The following PCLO variants were observed in gnomAD, a reference collection of about 807,000 sequenced individuals.
PCLO encodes the protein protein piccolo.
PCLO carries 82 observed loss-of-function variants against 427.5 expected under a neutral mutation model. The ratio of observed to expected loss-of-function variants is 0.19; its 90% confidence interval spans 0.16 to 0.23. PCLO has a LOEUF of 0.23. Among genes scored for constraint, PCLO ranks in the 10% least tolerant of loss-of-function variants. The pLI, the probability that PCLO is intolerant of heterozygous loss-of-function variation, is 1.00. For missense variants in PCLO, 6,239 were observed against 6,115.9 expected, an observed-to-expected ratio of 1.02 and a Z score of -0.67; for synonymous variants, 2,357 against 2,155.4, an observed-to-expected ratio of 1.09 and a Z score of -2.59.
At chr7:83,018,341 AAT>A (rs1445730636) in intron 3 of PCLO, among the ~76,000 whole-genome samples, 3 of 152,002 alleles carry the variant, frequency 2.0e-5, no homozygotes, top group Non-Finnish European at 4.4e-5. Flanking sequence ...GCATAAAATA[AAT>A]ATGTTGTATT....
chr7:82,965,689 C>A (rs1795749827), intron 4 of PCLO, 82 bp downstream of exon 4: 2 of 852,180 alleles, frequency 2.3e-6, no homozygotes, highest in African/African-American at 3.4e-5. Context: ...TATATAATTA[C>A]CATTGAGCAA....
intron 3 of PCLO, among the ~76,000 whole-genome samples, chr7:82,990,540 C>T (rs1196187607): frequency 6.6e-6 from 1 of 152,064 alleles, no homozygotes; most frequent in Non-Finnish European, 1.5e-5. Flanking sequence ...CAAAATAGAA[C>T]TTGAGTTTGG....
At chr7:82,873,077 T>C (rs991157689) in intron 10 of PCLO, among the ~76,000 whole-genome samples, 2 of 151,980 alleles carry the variant, frequency 1.3e-5, no homozygotes, top group African/African-American at 2.4e-5. Context: ...TACTAATTTA[T>C]AGAGGCCTAT....
intron 7 of PCLO, 95 bp downstream of exon 7, chr7:82,914,591 A>G (rs2116258347): frequency 8.1e-7 from 1 of 1,234,748 alleles, no homozygotes; most frequent in Non-Finnish European, 1.2e-6. Context: ...ACACCAAGAA[A>G]AGTAGGATAC....
chr7:83,028,755 C>T (rs1432975808), intron 3 of PCLO, among the ~76,000 whole-genome samples: 6 of 150,752 alleles, frequency 4.0e-5, no homozygotes, highest in Admixed American at 3.3e-4. Context: ...GGTACCAAAA[C>T]AGAGATATAG....
At chr7:82,937,927 T>C (rs566954770) in intron 6 of PCLO, among the ~76,000 whole-genome samples, 1 of 152,038 alleles carries the variant, frequency 6.6e-6, no homozygotes, top group African/African-American at 2.4e-5. Context: ...ATCTCCACAT[T>C]AGATTCCAAA....
At chr7:82,949,340 T>G in intron 6 of PCLO, 136 bp downstream of exon 6, 1 of 682,628 alleles carries the variant, frequency 1.5e-6, no homozygotes, top group East Asian at 2.5e-5. Flanking sequence ...TAGTGTAAAT[T>G]TCTAAGGCAA....
chr7:83,007,737 T>C (rs1583900729), intron 3 of PCLO, among the ~76,000 whole-genome samples: 1 of 151,606 alleles, frequency 6.6e-6, no homozygotes, highest in African/African-American at 2.4e-5. Context: ...TCACTTATGG[T>C]TATGAAATAA....
At chr7:83,114,018 G>A (rs1791070090) in intron 3 of PCLO, among the ~76,000 whole-genome samples, 1 of 152,084 alleles carries the variant, frequency 6.6e-6, no homozygotes, top group South Asian at 2.1e-4. Context: ...GACTTCTTAT[G>A]AGAGCTTAAA....
chr7:83,090,404 G>C (rs1790349375), intron 3 of PCLO, among the ~76,000 whole-genome samples: 1 of 152,120 alleles, frequency 6.6e-6, no homozygotes, highest in South Asian at 2.1e-4. Flanking sequence ...TCAAATAATT[G>C]ATCAATTAGG....
Position 82,949,640 on chromosome 7 carries a change from C to A in PCLO, c.10948G>T (p.Asp3650Tyr), listed in dbSNP as rs1244180060. 24 of 1,613,716 alleles carry A rather than the reference C, an allele frequency of 1.5e-5. No individual in the cohort carries two copies. Among genetic ancestry groups the A allele is most frequent in the Non-Finnish European group, 1.8e-5 (21 of 1,179,854 alleles). Residue 3650 changes from aspartate (D) to tyrosine (Y), a missense_variant, in exon 6 of 25, where the codon GAT (aspartate) becomes TAT (tyrosine). Asp to Tyr is a radical substitution (Grantham distance 160). Transcript: ENST00000333891. ...FVPYEKPLPD[D>Y]ISPQKVLHPD... ...TGCAGTACTTTCTGTGGACTTATATCATCAGGGAGGGGTTTTTCATAAGGT... is the reference window on the plus strand; with the variant it reads ...TGCAGTACTTTCTGTGGACTTATATAATCAGGGAGGGGTTTTTCATAAGGT...
chr7:82,902,311 T>C (rs1414435294), intron 9 of PCLO, among the ~76,000 whole-genome samples: 3 of 151,302 alleles, frequency 2.0e-5, no homozygotes, highest in Non-Finnish European at 4.4e-5. Flanking sequence ...TCATTCTCAG[T>C]AAACTATCGC....
intron 18 of PCLO, among the ~76,000 whole-genome samples, chr7:82,825,852 G>A (rs1171516987): frequency 2.0e-5 from 3 of 147,066 alleles, no homozygotes; most frequent in African/African-American, 7.4e-5. Flanking sequence ...ATGTAAATGT[G>A]TATATATATA....
At chr7:83,144,191 C>T (rs1359890618) in intron 2 of PCLO, among the ~76,000 whole-genome samples, 2 of 152,030 alleles carry the variant, frequency 1.3e-5, no homozygotes, top group Non-Finnish European at 2.9e-5. Flanking sequence ...GGAGGCTAAG[C>T]GGGGCAGATC....
chr7:83,023,148 T>C (rs1272483514), intron 3 of PCLO, among the ~76,000 whole-genome samples: 1 of 152,178 alleles, frequency 6.6e-6, no homozygotes, highest in African/African-American at 2.4e-5. Context: ...TTTTAAAACA[T>C]AAAGTATTAA....
intron 3 of PCLO, among the ~76,000 whole-genome samples, chr7:82,998,127 A>T (rs998300569): frequency 6.6e-6 from 1 of 151,990 alleles, no homozygotes; most frequent in Non-Finnish European, 1.5e-5. Flanking sequence ...TACGGAAACC[A>T]GTACTGGGGC....
chr7:83,118,672 G>A (rs1176987581), intron 3 of PCLO, among the ~76,000 whole-genome samples: 3 of 152,116 alleles, frequency 2.0e-5, no homozygotes, highest in African/African-American at 2.4e-5. Context: ...CCAGCCAGAG[G>A]GGAATCCTCT....
chr7:82,867,295 A>G (rs1793119832), intron 10 of PCLO, among the ~76,000 whole-genome samples: 1 of 152,210 alleles, frequency 6.6e-6, no homozygotes, highest in African/African-American at 2.4e-5. Flanking sequence ...TACTTACAAT[A>G]TTCTAAGCAT....
intron 22 of PCLO, among the ~76,000 whole-genome samples, chr7:82,798,542 T>C (rs1477287566): frequency 6.6e-6 from 1 of 152,138 alleles, no homozygotes; most frequent in African/African-American, 2.4e-5. Context: ...CAAAACAAAA[T>C]CTTGCACTTT....
Sources: allele counts gnomAD v4.1 joint callset (sites outside exome capture counted in the v4.1 genomes callset), GRCh38; gene constraint gnomAD v4.1.1; transcripts MANE v1.5; gene names NCBI Gene and HGNC (gene_info 2026-07-23, HGNC 2026-07-21).